Variants in NTM observed in about 807,000 individuals in gnomAD.
NTM encodes the protein IgLON family member 2.
NTM carries 13 observed loss-of-function variants against 42.1 expected under a neutral mutation model. That is an observed-to-expected ratio of 0.31 (90% CI 0.20 to 0.49). NTM has a LOEUF of 0.49. NTM is among the 20% of genes least tolerant of loss of function. NTM has a pLI of 0.99. For synonymous variants in NTM, 187 were observed against 179.2 expected, an observed-to-expected ratio of 1.04 and a Z score of -0.35; for missense variants, 373 against 452.8, an observed-to-expected ratio of 0.82 and a Z score of 1.60.
intron 2 of NTM, among the ~76,000 whole-genome samples, chr11:132,101,413 A>G (rs988437060): frequency 2.1e-4 from 32 of 152,198 alleles, no homozygotes; most frequent in African/African-American, 7.7e-4. Context: ...AACCAGGCAC[A>G]CCGTCTTCCC....
intron 1 of NTM, chr11:131,371,095 T>C: frequency 3.0e-6 from 3 of 985,386 alleles, no homozygotes; most frequent in Non-Finnish European, 3.6e-6. Flanking sequence ...TGGGGGAATA[T>C]GTATGTGCAT....
intron 1 of NTM, among the ~76,000 whole-genome samples, chr11:131,895,381 G>T (rs888008245): frequency 6.6e-6 from 1 of 152,150 alleles, no homozygotes; most frequent in South Asian, 2.1e-4. Flanking sequence ...TTACAGCTTC[G>T]TTTTCTCATG....
intron 1 of NTM, among the ~76,000 whole-genome samples, chr11:131,792,938 C>T (rs2136160825): frequency 6.6e-6 from 1 of 152,328 alleles, no homozygotes; most frequent in South Asian, 2.1e-4. Context: ...AACCGGTTAT[C>T]TCTACTGTAA....
intron 7 of NTM, among the ~76,000 whole-genome samples, chr11:132,320,226 G>A (rs1224437474): frequency 6.6e-5 from 10 of 152,198 alleles, no homozygotes; most frequent in South Asian, 2.1e-4. Context: ...CCTGAGCGAC[G>A]CAGAAGATGG....
At chr11:131,421,594 C>A (rs186069974) in intron 1 of NTM, among the ~76,000 whole-genome samples, 4 of 152,200 alleles carry the variant, frequency 2.6e-5, no homozygotes, top group South Asian at 2.1e-4. Context: ...TCCCTAAGGG[C>A]CCATGGAGGA....
rs141205816 is a variant in NTM at position 131,644,094 on chromosome 11, G to A, written c.83-267470G>A. On this transcript the variant is annotated intron_variant, in intron 1 of 8. Transcript: ENST00000683400. ...GCTGGAACTCTGGTGGTATGGCTTC[G>A]GCTGAATGTGCAGGAGGTTGCATGC... Among the ~76,000 whole-genome samples, 717 of 152,250 alleles carry A rather than the reference G, an allele frequency of 4.7e-3. 12 individuals carry two copies. The highest frequency in any genetic ancestry group is 0.017 in the African/African-American group (686 of 41,546).
Position 132,021,709 on chromosome 11 carries a change from C to A in NTM, c.167+110061C>A, listed in dbSNP as rs542074178. Among the ~76,000 whole-genome samples, 3 of 152,264 alleles carry A rather than the reference C, an allele frequency of 2.0e-5. No individual in the cohort carries two copies. In the South Asian group the frequency reaches 6.2e-4, roughly 32 times the overall value. ...GTCTCTCTTCCCATAGGTTGCCCCCCAGGACTGAGTTGACATCCAAGGCTT... is the reference window on the plus strand; with the variant it reads ...GTCTCTCTTCCCATAGGTTGCCCCCAAGGACTGAGTTGACATCCAAGGCTT... On this transcript the variant is annotated intron_variant, in intron 2 of 8. Transcript: ENST00000683400.
chr11:132,265,493 C>A (rs2093125129), intron 4 of NTM, among the ~76,000 whole-genome samples: 2 of 152,182 alleles, frequency 1.3e-5, no homozygotes, highest in East Asian at 1.9e-4. Context: ...GCCTTCTGAA[C>A]CTCAAACTGG....
chr11:132,010,728 C>T (rs1207143093), intron 2 of NTM, among the ~76,000 whole-genome samples: 2 of 151,384 alleles, frequency 1.3e-5, no homozygotes, highest in Non-Finnish European at 2.9e-5. Flanking sequence ...GGGACTTGGT[C>T]AGGTGTCTTT....
At chr11:131,958,355 G>C (rs1280217924) in intron 2 of NTM, among the ~76,000 whole-genome samples, 2 of 152,084 alleles carry the variant, frequency 1.3e-5, no homozygotes, top group African/African-American at 4.8e-5. Context: ...GAGTGAAGAG[G>C]TACCCCACCC....
chr11:131,893,020 T>C (rs1400695505), intron 1 of NTM, among the ~76,000 whole-genome samples: 1 of 152,152 alleles, frequency 6.6e-6, no homozygotes, highest in Non-Finnish European at 1.5e-5. Flanking sequence ...TGTTGGGGGA[T>C]TCTACCTTGT....
intron 1 of NTM, among the ~76,000 whole-genome samples, chr11:131,726,027 C>A (rs1220107727): frequency 6.6e-6 from 1 of 152,134 alleles, no homozygotes; most frequent in Non-Finnish European, 1.5e-5. Context: ...CAATAGGAAG[C>A]AAAGAGGGAT....
In NTM at chr11:132,002,259, A is replaced by G. The variant is rs1410899549; in HGVS notation, c.167+90611A>G. On this transcript the variant is annotated intron_variant, in intron 2 of 8. Transcript: ENST00000683400. The surrounding 1 kb of genome is among the most constrained non-coding windows in gnomAD (Gnocchi z 4.5). ...TTTGGCTGGACTTGTCTTGTGAGCT[A>G]TTTGTGGCAGCTTTACTGTACAAAA... Among the ~76,000 whole-genome samples, 3 of 152,204 alleles carry G rather than the reference A, an allele frequency of 2.0e-5. No homozygotes were observed. Among genetic ancestry groups the G allele is most frequent in the African/African-American group, 4.8e-5 (2 of 41,458 alleles).
At chr11:132,107,339 CTTTTT>C (rs780844735) in intron 2 of NTM, among the ~76,000 whole-genome samples, 4 of 88,858 alleles carry the variant, frequency 4.5e-5, no homozygotes, top group African/African-American at 1.5e-4. Context: ...AAGATTTATC[CTTTTT>C]TTTTTTTTTT....
chr11:132,089,128 C>T (rs2060093940), intron 2 of NTM, among the ~76,000 whole-genome samples: 1 of 152,194 alleles, frequency 6.6e-6, no homozygotes, highest in Admixed American at 6.5e-5. Context: ...AAAACACTCT[C>T]ATAGTAAGCA....
At chr11:131,674,081 A>G (rs1035506047) in intron 1 of NTM, among the ~76,000 whole-genome samples, 1 of 152,246 alleles carries the variant, frequency 6.6e-6, no homozygotes, top group Admixed American at 6.5e-5. Context: ...AAAAACATAC[A>G]CACACAGCGT....
At chr11:132,158,141 G>A (rs570634103) in intron 3 of NTM, among the ~76,000 whole-genome samples, 3 of 152,258 alleles carry the variant, frequency 2.0e-5, no homozygotes, top group Admixed American at 2.0e-4. Context: ...CATCCCTACT[G>A]TGGCCTAAAA....
chr11:132,193,158 C>T (rs1248983359), intron 3 of NTM, among the ~76,000 whole-genome samples: 1 of 152,086 alleles, frequency 6.6e-6, no homozygotes, highest in Non-Finnish European at 1.5e-5. Context: ...ATTTAATTGA[C>T]ATCTACAGAA....
intron 1 of NTM, among the ~76,000 whole-genome samples, chr11:131,565,812 C>G (rs1404157657): frequency 6.6e-6 from 1 of 152,134 alleles, no homozygotes; most frequent in Admixed American, 6.5e-5. Context: ...TCATCTAGAG[C>G]CCCCATGTCC....
Sources: gnomAD v4.1 joint callset for allele counts (sites outside exome capture counted in the v4.1 genomes callset) on GRCh38, gnomAD v4.1.1 for gene constraint, Gnocchi (gnomAD v3.1) non-coding constraint, MANE v1.5 for transcripts, NCBI Gene and HGNC (gene_info 2026-07-23, HGNC 2026-07-21) for gene names.